The following RMC1 variants were observed in gnomAD, a reference collection of about 807,000 sequenced individuals.
The protein encoded by RMC1 is regulator of MON1-CCZ1, also known as regulator of MON1-CCZ1 complex.
Under a neutral mutation model 95.5 loss-of-function variants are expected in RMC1, and 44 were observed. That is an observed-to-expected ratio of 0.46 (90% confidence interval 0.36 to 0.59). The LOEUF (loss-of-function observed/expected upper bound fraction) is 0.59, where lower values mean the gene tolerates loss of function less well. RMC1 is among the 20% of genes least tolerant of loss of function. RMC1 has a pLI of 0.00. For missense variants in RMC1, 705 were observed against 819.6 expected (o/e 0.86, Z 1.71); for synonymous variants, 320 against 303.6 (o/e 1.05, Z -0.56).
rs760119036 is a variant in RMC1 at position 23,531,800 on chromosome 18, A to G, written c.*96A>G. 9.2e-6 allele frequency: 14 copies of G among 1,529,152 alleles called. No individual in the cohort carries two copies. Among genetic ancestry groups the G allele is most frequent in the Middle Eastern group, 1.9e-4 (1 of 5,354 alleles). 94.7% of individuals were successfully genotyped at this position (1,529,152 alleles called of 1,614,324 possible). ...CTATAAAATGTTATAAAGTGTATCT[A>G]CAACCTCAACTGTCACTAAAAATAT... On this transcript the variant is annotated 3_prime_UTR_variant, in exon 20 of 20. Coordinates refer to ENST00000269221, the MANE Select transcript of RMC1 (RefSeq NM_013326.5).
chr18:23,521,695 C>CTA (rs2058145882), intron 10 of RMC1, among the ~76,000 whole-genome samples: 1 of 77,944 alleles, frequency 1.3e-5, no homozygotes, highest in African/African-American at 3.5e-5. Context: ...CACTCTCTCT[C>CTA]TTTTTTTTTT....
intron 10 of RMC1, among the ~76,000 whole-genome samples, chr18:23,520,635 T>A (rs966540700): frequency 2.6e-5 from 4 of 152,056 alleles, no homozygotes; most frequent in African/African-American, 9.7e-5. Context: ...AATTTTTATA[T>A]TTTTTTAAAT....
Position 23,527,826 on chromosome 18 carries a change from C to G in RMC1, c.1221C>G (p.Pro407=). ...GTGAGTCAGACAGAGCATCGCTGCC[C>G]GTGATAGCCACTGTTTTTGATAAAC... ...MLSESDRASL[P]VIATVFDKLN... Residue 407 remains proline, a synonymous_variant, in exon 14 of 20, where the codon CCC becomes CCG. Transcript: ENST00000269221. 1 of 1,613,984 alleles carries G rather than the reference C, an allele frequency of 6.2e-7. No homozygotes were observed. Among genetic ancestry groups the G allele is most frequent in the African/African-American group, 1.3e-5 (1 of 74,988 alleles).
At chr18:23,511,617 A>G (rs923184377) in intron 5 of RMC1, among the ~76,000 whole-genome samples, 4 of 152,192 alleles carry the variant, frequency 2.6e-5, no homozygotes, top group African/African-American at 9.7e-5. Flanking sequence ...CTTTTTAACA[A>G]AAAGGGGAAT....
chr18:23,524,983 G>A (rs1156766862), intron 12 of RMC1, among the ~76,000 whole-genome samples: 4 of 117,524 alleles, frequency 3.4e-5, no homozygotes, highest in South Asian at 5.1e-4. Flanking sequence ...AGTTTTGCTC[G>A]TTGCCCAGGC....
chr18:23,529,765 A>T (rs1304662179), intron 16 of RMC1, 53 bp downstream of exon 16: 1 of 1,528,084 alleles, frequency 6.5e-7, no homozygotes, highest in Non-Finnish European at 9.0e-7. Flanking sequence ...TTAAAAAAAA[A>T]ACACAGTCAC....
Position 23,507,002 on chromosome 18 carries a change from A to C in RMC1, c.212A>C (p.Lys71Thr). ...GACAAAGGAGAAGTGAAGTGCATTA[A>C]GTTTTCCTTAGAAAATAAGATATTG... is the stretch of plus-strand genomic sequence containing the variant. ...MDDKGEVKCI[K>T]FSLENKILAV... Residue 71 changes from lysine to threonine, a missense_variant, in exon 3 of 20, where the codon AAG becomes ACG. Coordinates refer to ENST00000269221, the MANE Select transcript of RMC1 (RefSeq NM_013326.5). 6.2e-7 allele frequency: 1 copy of C among 1,609,890 alleles called. No individual in the cohort carries two copies. The highest frequency in any genetic ancestry group is 8.5e-7 in the Non-Finnish European group (1 of 1,178,110).
At position 23,526,746 on chromosome 18, in the gene RMC1, CCTGT is replaced by C; in HGVS notation, c.1179_1182del (p.Cys394HisfsTer4). 1.2e-6 allele frequency: 2 copies of C among 1,614,094 alleles called. No homozygotes were observed. The highest frequency in any genetic ancestry group is 1.7e-6 in the Non-Finnish European group (2 of 1,180,010). On this transcript the variant is annotated frameshift_variant, in exon 13 of 20. Coordinates refer to ENST00000269221, the MANE Select transcript of RMC1 (RefSeq NM_013326.5). LOFTEE classifies it high-confidence loss of function. ...AGAGAAAGGAATGCAAGATGGTCATCCTGTCTGTCTGTTCACAGAGTAAGTTGAA... is the reference window on the plus strand; with the variant it reads ...AGAGAAAGGAATGCAAGATGGTCATCCTGTCTGTTCACAGAGTAAGTTGAA...
chr18:23,527,287 T>C, intron 13 of RMC1, among the ~76,000 whole-genome samples: 1 of 149,044 alleles, frequency 6.7e-6, no homozygotes, highest in Non-Finnish European at 1.5e-5. Flanking sequence ...TGGCCCCAGC[T>C]ACTCCAGAGG....
At chr18:23,513,253 C>T (rs1304078861) in intron 5 of RMC1, among the ~76,000 whole-genome samples, 1 of 152,154 alleles carries the variant, frequency 6.6e-6, no homozygotes, top group Non-Finnish European at 1.5e-5. Context: ...TGTGTCCGGC[C>T]GAATTTGATT....
chr18:23,506,570 A>C (rs1216290761), intron 2 of RMC1: 1 of 204,690 alleles, frequency 4.9e-6, no homozygotes, highest in Admixed American at 5.9e-5. Context: ...GAGACACTGT[A>C]GTGGAGCCAT....
chr18:23,518,381 A>G (rs1468074028), intron 7 of RMC1, among the ~76,000 whole-genome samples: 1 of 152,118 alleles, frequency 6.6e-6, no homozygotes, highest in Non-Finnish European at 1.5e-5. Flanking sequence ...AGTCCTAGCT[A>G]CTGGGGAGGC....
At chr18:23,515,375 A>G (rs1203975877) in intron 5 of RMC1, among the ~76,000 whole-genome samples, 1 of 152,166 alleles carries the variant, frequency 6.6e-6, no homozygotes, top group Non-Finnish European at 1.5e-5. Flanking sequence ...GCAAAGAGTA[A>G]ATGAGTTAGG....
At chr18:23,522,279 A>G (rs1432950100) in intron 10 of RMC1, 1 of 152,244 alleles carries the variant, frequency 6.6e-6, no homozygotes, top group Admixed American at 6.5e-5. Flanking sequence ...TATTGAAAGA[A>G]TAGATTTTGC....
chr18:23,522,176 G>A (rs2058160127), intron 10 of RMC1: 1 of 152,254 alleles, frequency 6.6e-6, no homozygotes, highest in African/African-American at 2.4e-5. Flanking sequence ...CACAGTTGGA[G>A]GAAGGAGCTG....
At chr18:23,517,671 C>G (rs1295128093) in intron 7 of RMC1, among the ~76,000 whole-genome samples, 2 of 152,058 alleles carry the variant, frequency 1.3e-5, no homozygotes, top group African/African-American at 2.4e-5. Context: ...AATGTTCTTT[C>G]ATTTCTTCTT....
chr18:23,521,248 T>C (rs1274589062), intron 10 of RMC1, among the ~76,000 whole-genome samples: 2 of 152,228 alleles, frequency 1.3e-5, no homozygotes, highest in Admixed American at 1.3e-4. Context: ...TGAATCTCCC[T>C]TGGGAGGAAA....
At position 23,531,752 on chromosome 18, in the gene RMC1, T is replaced by A. The variant is rs770456820; in HGVS notation, c.*48T>A. On this transcript the variant is annotated 3_prime_UTR_variant, in exon 20 of 20. Coordinates refer to ENST00000269221, the MANE Select transcript of RMC1 (RefSeq NM_013326.5). ...TAAAAATGTGTACAAAGTTAATTTATTGCATTAATAAAGCTCTTTAAACTA... is the reference window on the plus strand; with the variant it reads ...TAAAAATGTGTACAAAGTTAATTTAATGCATTAATAAAGCTCTTTAAACTA... 1.3e-6 allele frequency: 2 copies of A among 1,587,784 alleles called. No individual in the cohort carries two copies. Among genetic ancestry groups the A allele is most frequent in the African/African-American group, 2.7e-5 (2 of 73,234 alleles).
intron 14 of RMC1, 62 bp from the exon 15 acceptor site, chr18:23,529,117 C>T: frequency 7.0e-6 from 11 of 1,573,558 alleles, no homozygotes; most frequent in Non-Finnish European, 8.6e-6. Context: ...TGTGGATGAA[C>T]TGTAAACAGC....
Sources: gnomAD v4.1 joint callset for allele counts (sites outside exome capture counted in the v4.1 genomes callset) on GRCh38, gnomAD v4.1.1 for gene constraint, MANE v1.5 for transcripts, NCBI Gene and HGNC (gene_info 2026-07-23, HGNC 2026-07-21) for gene names.